Variants in SLC10A2 observed in about 807,000 individuals in gnomAD.
SLC10A2 encodes the protein solute carrier family 10 member 2.
SLC10A2 carries 34 observed loss-of-function variants against 27.1 expected under a neutral mutation model. The observed-to-expected ratio is 1.26, with a 90% CI of 0.96 to 1.67. SLC10A2 has a LOEUF of 1.67. Among genes scored for constraint, SLC10A2 ranks in the 40% most tolerant of loss-of-function variants. The pLI is 0.00. For synonymous variants in SLC10A2, 205 were observed against 174.0 expected (o/e 1.18, Z -1.40); for missense variants, 530 against 444.4 (o/e 1.19, Z -1.73).
chr13:103,064,696 C>G (rs1025335991), intron 1 of SLC10A2, among the ~76,000 whole-genome samples: 6 of 151,822 alleles, frequency 4.0e-5, no homozygotes, highest in Non-Finnish European at 7.4e-5. Flanking sequence ...CACAGATTAA[C>G]TAAACCTGAA....
chr13:103,063,667 T>C (rs1289122943), intron 1 of SLC10A2, among the ~76,000 whole-genome samples: 3 of 152,228 alleles, frequency 2.0e-5, no homozygotes, highest in African/African-American at 4.8e-5. Flanking sequence ...CAATGCATAA[T>C]GTCATCATCT....
At position 103,045,953 on chromosome 13, in the gene SLC10A2, T is replaced by C. The variant is rs918461269; in HGVS notation, c.*180A>G. The C allele has an allele frequency of 1.6e-6, 1 of 607,382 alleles. No homozygotes were observed. The highest frequency in any genetic ancestry group is 2.9e-6 in the Non-Finnish European group (1 of 344,640). 37.6% of individuals were successfully genotyped at this position (607,382 alleles called of 1,614,324 possible). A position where few individuals can be genotyped will look rare whatever the true frequency, so the allele number is the denominator to read the frequency against. Reference sequence around the variant, plus strand: ...ATACATATATATAGGAAACAATATTTGTCCCATTAAAGAATTGGGCCACCA... The same window carrying C: ...ATACATATATATAGGAAACAATATTCGTCCCATTAAAGAATTGGGCCACCA... On this transcript the variant is annotated 3_prime_UTR_variant, in exon 6 of 6. Coordinates refer to ENST00000245312, the MANE Select transcript of SLC10A2 (RefSeq NM_000452.3).
At chr13:103,046,822 G>A (rs915630696) in intron 5 of SLC10A2, among the ~76,000 whole-genome samples, 1 of 152,160 alleles carries the variant, frequency 6.6e-6, no homozygotes, top group Non-Finnish European at 1.5e-5. Flanking sequence ...TTTAATGTCA[G>A]CTCATCAGGG....
At chr13:103,064,052 G>A (rs947476817) in intron 1 of SLC10A2, among the ~76,000 whole-genome samples, 22 of 152,264 alleles carry the variant, frequency 1.4e-4, no homozygotes, top group Admixed American at 1.0e-3. Context: ...AGTCGGTCCC[G>A]CATGAGGAGC....
At chr13:103,053,132 C>A (rs1875840461) in intron 2 of SLC10A2, among the ~76,000 whole-genome samples, 1 of 141,848 alleles carries the variant, frequency 7.0e-6, no homozygotes, top group African/African-American at 2.6e-5. Flanking sequence ...GTGTGTATGG[C>A]ATACAAAGAT....
At chr13:103,065,815 G>A in intron 1 of SLC10A2, 58 bp downstream of exon 1, 2 of 1,585,018 alleles carry the variant, frequency 1.3e-6, no homozygotes, top group Non-Finnish European at 1.7e-6. Context: ...AATGCCATAG[G>A]CTTCTGGAAG....
At chr13:103,053,058 C>T (rs890481489) in intron 2 of SLC10A2, among the ~76,000 whole-genome samples, 1 of 148,396 alleles carries the variant, frequency 6.7e-6, no homozygotes, top group African/African-American at 2.5e-5. Flanking sequence ...ATCTTTATAT[C>T]TCTAGGAAAA....
At chr13:103,051,463 A>G in intron 3 of SLC10A2, 31 bp from the exon 4 acceptor site, 1 of 1,611,638 alleles carries the variant, frequency 6.2e-7, no homozygotes. Context: ...TGAACCCAGC[A>G]ATCATGAGTC....
intron 2 of SLC10A2, among the ~76,000 whole-genome samples, chr13:103,054,957 T>G (rs144213635): frequency 6.6e-6 from 1 of 152,164 alleles, no homozygotes; most frequent in African/African-American, 2.4e-5. Flanking sequence ...ACACATTGAA[T>G]CCATAACTTG....
chr13:103,065,780 C>T (rs1009909317), intron 1 of SLC10A2, 93 bp downstream of exon 1: 121 of 1,407,648 alleles, frequency 8.6e-5, no homozygotes, highest in Non-Finnish European at 1.1e-4. Context: ...ACTTTAGATG[C>T]GTGGCAAATC....
intron 2 of SLC10A2, among the ~76,000 whole-genome samples, chr13:103,057,175 G>C (rs1875962695): frequency 6.6e-6 from 1 of 152,086 alleles, no homozygotes; most frequent in South Asian, 2.1e-4. Flanking sequence ...AAAAACCCAG[G>C]TATTTGGGGC....
Position 103,051,444 on chromosome 13 carries a change from A to G in SLC10A2, c.586-12T>C, listed in dbSNP as rs1296216179. 6.2e-6 allele frequency: 10 copies of G among 1,613,490 alleles called. No homozygotes were observed. The highest frequency in any genetic ancestry group is 3.3e-5 in the Admixed American group (2 of 59,952). ...GCGATGGACCCAATCTGAAAAAAAA[A>G]GGAATAAGTGAACCCAGCAATCATG... On this transcript the variant is annotated splice_polypyrimidine_tract_variant and intron_variant, in intron 3 of 5. Coordinates refer to ENST00000245312, the MANE Select transcript of SLC10A2 (RefSeq NM_000452.3).
intron 4 of SLC10A2, 22 bp downstream of exon 4, chr13:103,051,235 T>A: frequency 6.2e-7 from 1 of 1,611,272 alleles, no homozygotes; most frequent in Non-Finnish European, 8.5e-7. Flanking sequence ...AAATTCCCAA[T>A]GTGATTTACT....
chr13:103,059,390 C>T (rs557881429), intron 1 of SLC10A2, among the ~76,000 whole-genome samples: 9 of 152,098 alleles, frequency 5.9e-5, no homozygotes, highest in South Asian at 4.1e-4. Flanking sequence ...AACAACCTCC[C>T]GAATGGGAGA....
chr13:103,064,163 G>A (rs1199191335), intron 1 of SLC10A2, among the ~76,000 whole-genome samples: 1 of 152,110 alleles, frequency 6.6e-6, no homozygotes, highest in African/African-American at 2.4e-5. Flanking sequence ...GCGTTACAGG[G>A]CTTATTTTGA....
chr13:103,053,118 GTGTGTGTGTA>G (rs147249211), intron 2 of SLC10A2, among the ~76,000 whole-genome samples: 3 of 140,872 alleles, frequency 2.1e-5, no homozygotes, highest in Admixed American at 7.0e-5. Flanking sequence ...GTGTGTGTGT[GTGTGTGTGTA>G]TGGCATACAA....
Position 103,066,278 on chromosome 13 carries a change from T to C in SLC10A2, c.-29A>G, listed in dbSNP as rs1479947682. On this transcript the variant is annotated 5_prime_UTR_variant, in exon 1 of 6. Transcript: ENST00000245312. The stretch of plus-strand genomic sequence containing the variant: ...TGGGTCTGCTGCTGGAAAGGCCAAG[T>C]CCACAGAAGCGCTGGTCCCTGGGCC... 1 of 1,578,812 alleles carries C rather than the reference T, an allele frequency of 6.3e-7. No homozygotes were observed. Among genetic ancestry groups the C allele is most frequent in the Admixed American group, 1.7e-5 (1 of 57,976 alleles).
chr13:103,051,532 G>A, intron 3 of SLC10A2, 100 bp from the exon 4 acceptor site: 1 of 1,284,170 alleles, frequency 7.8e-7, no homozygotes, highest in South Asian at 1.3e-5. Flanking sequence ...TTGTCCCTGG[G>A]GGAAGTGATG....
At chr13:103,063,382 A>C (rs540672096) in intron 1 of SLC10A2, among the ~76,000 whole-genome samples, 1 of 152,312 alleles carries the variant, frequency 6.6e-6, no homozygotes, top group East Asian at 1.9e-4. Flanking sequence ...CATTAGCTCA[A>C]TTAGTGTAGC....
Sources: allele counts gnomAD v4.1 joint callset (sites outside exome capture counted in the v4.1 genomes callset), GRCh38; gene constraint gnomAD v4.1.1; transcripts MANE v1.5; gene names NCBI Gene and HGNC (gene_info 2026-07-23, HGNC 2026-07-21).